STAU2: variants seen among roughly 807,000 people sequenced by gnomAD.
STAU2 encodes staufen double-stranded RNA binding protein 2.
Under a neutral mutation model 65.9 loss-of-function variants are expected in STAU2, and 20 were observed. The observed-to-expected ratio is 0.30, with a 90% CI of 0.21 to 0.44. The LOEUF is 0.44. Ranked by LOEUF, STAU2 falls within the 20% of genes least tolerant of loss-of-function variation. STAU2 has a pLI of 1.00. For synonymous variants in STAU2, 232 were observed against 233.9 expected, an observed-to-expected ratio of 0.99 and a Z score of 0.07; for missense variants, 558 against 683.9, an observed-to-expected ratio of 0.82 and a Z score of 2.05.
intron 13 of STAU2, among the ~76,000 whole-genome samples, chr8:73,501,339 T>C (rs562688611): frequency 1.3e-4 from 20 of 151,938 alleles, no homozygotes; most frequent in Admixed American, 6.6e-4. Flanking sequence ...TGGAAATACA[T>C]CTCTATACAA....
intron 6 of STAU2, among the ~76,000 whole-genome samples, chr8:73,622,409 G>A (rs1187638705): frequency 6.6e-6 from 1 of 152,146 alleles, no homozygotes; most frequent in Non-Finnish European, 1.5e-5. Flanking sequence ...ACGGGCGTGA[G>A]CCACCACGCC....
chr8:73,687,285 A>ATTTAT (rs1818930021), intron 5 of STAU2, among the ~76,000 whole-genome samples: 1 of 101,476 alleles, frequency 9.9e-6, no homozygotes, highest in Non-Finnish European at 1.8e-5. Flanking sequence ...CATTTATAAA[A>ATTTAT]ATTTATATTT....
At chr8:73,523,313 C>T (rs149805566) in intron 13 of STAU2, among the ~76,000 whole-genome samples, 19 of 151,848 alleles carry the variant, frequency 1.3e-4, no homozygotes, top group Admixed American at 5.9e-4. Flanking sequence ...AAGGTGGAGC[C>T]AACACACCAA....
At chr8:73,587,702 A>G (rs1394701519) in intron 11 of STAU2, among the ~76,000 whole-genome samples, 1 of 152,210 alleles carries the variant, frequency 6.6e-6, no homozygotes, top group African/African-American at 2.4e-5. Context: ...ACTTCTCATA[A>G]TATTTAAACA....
At chr8:73,558,033 T>C (rs1418338634) in intron 12 of STAU2, among the ~76,000 whole-genome samples, 1 of 152,222 alleles carries the variant, frequency 6.6e-6, no homozygotes, top group Non-Finnish European at 1.5e-5. Flanking sequence ...GGAGAAGATA[T>C]GAAACTCTCC....
At chr8:73,484,976 T>C (rs1296646343) in intron 13 of STAU2, among the ~76,000 whole-genome samples, 1 of 152,060 alleles carries the variant, frequency 6.6e-6, no homozygotes, top group Non-Finnish European at 1.5e-5. Flanking sequence ...ACTTGATCCT[T>C]CTTCCAAGAC....
At chr8:73,700,758 A>T (rs996347395) in intron 4 of STAU2, among the ~76,000 whole-genome samples, 10 of 152,282 alleles carry the variant, frequency 6.6e-5, no homozygotes, top group African/African-American at 2.2e-4. Flanking sequence ...TCTTCAGAGA[A>T]ATAGGAAAAA....
intron 13 of STAU2, among the ~76,000 whole-genome samples, chr8:73,515,860 A>C (rs1056479117): frequency 1.7e-4 from 21 of 123,216 alleles, no homozygotes; most frequent in African/African-American, 5.4e-4. Context: ...TGCAACCTCC[A>C]CCTTCCAGGT....
chr8:73,692,196 T>A (rs1413984173), intron 4 of STAU2, among the ~76,000 whole-genome samples: 1 of 149,204 alleles, frequency 6.7e-6, no homozygotes, highest in Non-Finnish European at 1.5e-5. Context: ...CCTACGTACT[T>A]CTTTTTTTTT....
chr8:73,630,656 G>A (rs1462975264), intron 6 of STAU2, among the ~76,000 whole-genome samples: 4 of 152,166 alleles, frequency 2.6e-5, no homozygotes, highest in Non-Finnish European at 4.4e-5. Context: ...ATGAGTTAGT[G>A]TAGCATAGCA....
rs533177854 is a variant in STAU2 at position 73,468,116 on chromosome 8, C to T, written c.1531-45414G>A. Among the ~76,000 whole-genome samples the T allele has an allele frequency of 4.4e-4, 67 of 152,142 alleles. 1 individual carries two copies. Among genetic ancestry groups the T allele is most frequent in the Non-Finnish European group, 8.5e-4 (58 of 68,012 alleles). ...ACTGGTACCAAAACAGAGATATAGA[C>T]CAATGGAACAGAACAGAGCCCTCAG... On this transcript the variant is annotated intron_variant, in intron 13 of 14. Coordinates refer to ENST00000524300, the MANE Select transcript of STAU2 (RefSeq NM_001164380.2).
intron 13 of STAU2, chr8:73,549,737 A>G: frequency 5.1e-6 from 5 of 985,828 alleles, no homozygotes; most frequent in Non-Finnish European, 6.0e-6. Flanking sequence ...TCAATAAGCA[A>G]CAGTATCTGT....
intron 13 of STAU2, among the ~76,000 whole-genome samples, chr8:73,489,855 A>C (rs375341272): frequency 1.3e-5 from 2 of 152,122 alleles, no homozygotes; most frequent in South Asian, 2.1e-4. Flanking sequence ...TACTCACATT[A>C]AGCAAGAAAG....
chr8:73,491,044 CTATTAGTA>C (rs1284807395), intron 13 of STAU2, among the ~76,000 whole-genome samples: 1 of 151,964 alleles, frequency 6.6e-6, no homozygotes, highest in Non-Finnish European at 1.5e-5. Context: ...GTAAAACTGT[CTATTAGTA>C]TTAATGCCTG....
Position 73,720,668 on chromosome 8 carries a change from G to A in STAU2, c.-17-11506C>T, listed in dbSNP as rs1193835635. ...GCTGGGACTACAGGCGCCCGCCACC[G>A]CGCCCGGCTAATTTTTTGTATTTTT... On this transcript the variant is annotated intron_variant, in intron 3 of 14. Transcript: ENST00000524300. 1.2e-4 allele frequency among the ~76,000 whole-genome samples: 14 copies of A among 114,494 alleles called. 5 individuals are homozygous for A. Among genetic ancestry groups the A allele is most frequent in the Admixed American group, 1.7e-4 (2 of 11,820 alleles). The allele number at this position is 114,494 out of a possible 152,430, so 75.1% of individuals were successfully genotyped here. A position where few individuals can be genotyped will look rare whatever the true frequency, so the allele number is the denominator to read the frequency against.
chr8:73,587,030 C>T (rs1334084313), intron 11 of STAU2, among the ~76,000 whole-genome samples: 1 of 152,028 alleles, frequency 6.6e-6, no homozygotes, highest in African/African-American at 2.4e-5. Flanking sequence ...ATCAAATACA[C>T]ATATAAAATA....
chr8:73,469,133 G>T (rs1819828336), intron 13 of STAU2, among the ~76,000 whole-genome samples: 1 of 152,238 alleles, frequency 6.6e-6, no homozygotes, highest in African/African-American at 2.4e-5. Context: ...CCATAAAAAA[G>T]GATGAGTTCA....
At chr8:73,737,540 G>C (rs1174554914) in intron 3 of STAU2, among the ~76,000 whole-genome samples, 2 of 150,772 alleles carry the variant, frequency 1.3e-5, no homozygotes, top group African/African-American at 4.9e-5. Flanking sequence ...GCAATCAAAA[G>C]AAATAAAAGT....
At chr8:73,651,394 G>A (rs1234580444) in intron 6 of STAU2, 8 of 665,242 alleles carry the variant, frequency 1.2e-5, no homozygotes, top group Non-Finnish European at 2.0e-5. Context: ...CCAGGGAAAT[G>A]CAGCTGTCGG....
Sources: allele counts gnomAD v4.1 joint callset (sites outside exome capture counted in the v4.1 genomes callset), GRCh38; gene constraint gnomAD v4.1.1; transcripts MANE v1.5; gene names NCBI Gene and HGNC (gene_info 2026-07-23, HGNC 2026-07-21).